NKAIN2: variants seen among roughly 807,000 people sequenced by gnomAD.
The protein encoded by NKAIN2 is sodium/potassium-transporting ATPase subunit beta-1-interacting protein 2.
In NKAIN2, 14 loss-of-function variants were observed where a neutral mutation model predicts 32.6. The observed-to-expected ratio is 0.43, with a 90% confidence interval of 0.28 to 0.67. NKAIN2 has a LOEUF of 0.67. Ranked by LOEUF, NKAIN2 falls within the 30% of genes least tolerant of loss-of-function variation. The pLI is 0.17. For synonymous variants in NKAIN2, 80 were observed against 87.2 expected (o/e 0.92, Z 0.46); for missense variants, 198 against 258.3 (o/e 0.77, Z 1.60).
intron 4 of NKAIN2, among the ~76,000 whole-genome samples, chr6:124,735,592 C>T (rs1776895415): frequency 6.6e-6 from 1 of 151,830 alleles, no homozygotes; most frequent in Non-Finnish European, 1.5e-5. Flanking sequence ...TTTGTGGGAA[C>T]TCTGAGTGGA....
intron 1 of NKAIN2, among the ~76,000 whole-genome samples, chr6:124,179,758 C>T (rs1789345040): frequency 6.6e-6 from 1 of 152,136 alleles, no homozygotes; most frequent in Admixed American, 6.5e-5. Context: ...GGTTTCTTTT[C>T]CTGTGAAGCA....
intron 1 of NKAIN2, among the ~76,000 whole-genome samples, chr6:124,230,926 G>A (rs1287074455): frequency 1.3e-5 from 2 of 152,170 alleles, no homozygotes; most frequent in Non-Finnish European, 2.9e-5. Context: ...TGAGAAGGGG[G>A]CCACTGTCCT....
chr6:124,421,119 T>C (rs764124068), intron 3 of NKAIN2, among the ~76,000 whole-genome samples: 26 of 150,806 alleles, frequency 1.7e-4, no homozygotes, highest in Non-Finnish European at 3.5e-4. Flanking sequence ...GTTGGACCCA[T>C]TGTCCTTGAA....
chr6:124,325,005 C>G (rs1797356114), intron 2 of NKAIN2, among the ~76,000 whole-genome samples: 1 of 151,948 alleles, frequency 6.6e-6, no homozygotes, highest in Non-Finnish European at 1.5e-5. Context: ...TAATTCTCTT[C>G]TTGTCTTGTA....
intron 3 of NKAIN2, among the ~76,000 whole-genome samples, chr6:124,412,502 C>T (rs1016604946): frequency 9.9e-5 from 15 of 152,104 alleles, no homozygotes; most frequent in Admixed American, 7.9e-4. Flanking sequence ...ATTGGTGAAC[C>T]GCAAATGCTG....
chr6:124,660,054 C>T (rs923244187), intron 4 of NKAIN2, among the ~76,000 whole-genome samples: 1 of 152,040 alleles, frequency 6.6e-6, no homozygotes, highest in Non-Finnish European at 1.5e-5. Flanking sequence ...CCATTTCATT[C>T]TTTAAAATCC....
chr6:124,767,505 T>C (rs1778563970), intron 4 of NKAIN2, among the ~76,000 whole-genome samples: 1 of 152,148 alleles, frequency 6.6e-6, no homozygotes, highest in Non-Finnish European at 1.5e-5. Flanking sequence ...CAAGCTTTTT[T>C]AGCTTGGCAG....
intron 4 of NKAIN2, among the ~76,000 whole-genome samples, chr6:124,774,506 G>A (rs907663069): frequency 3.3e-5 from 5 of 152,080 alleles, no homozygotes; most frequent in African/African-American, 7.2e-5. Flanking sequence ...CTACTAAGAC[G>A]TTCTGAGGGG....
intron 1 of NKAIN2, among the ~76,000 whole-genome samples, chr6:124,272,499 T>C (rs574671377): frequency 5.3e-5 from 8 of 152,292 alleles, no homozygotes; most frequent in South Asian, 2.1e-4. Context: ...AGAGAATGTA[T>C]GGAAATGCCC....
chr6:124,512,659 G>A (rs1404010487), intron 3 of NKAIN2, among the ~76,000 whole-genome samples: 3 of 152,120 alleles, frequency 2.0e-5, no homozygotes, highest in Non-Finnish European at 4.4e-5. Flanking sequence ...CAGCCTGTCT[G>A]GCCCACGGCT....
At chr6:124,534,234 TCTGC>T (rs1287135270) in intron 3 of NKAIN2, among the ~76,000 whole-genome samples, 1 of 152,134 alleles carries the variant, frequency 6.6e-6, no homozygotes, top group African/African-American at 2.4e-5. Flanking sequence ...TCAGTGAACT[TCTGC>T]CTTCCAGGCT....
At chr6:123,857,377 A>G (rs1775596427) in intron 1 of NKAIN2, among the ~76,000 whole-genome samples, 1 of 152,128 alleles carries the variant, frequency 6.6e-6, no homozygotes, top group Non-Finnish European at 1.5e-5. Flanking sequence ...ATAAGCTTGT[A>G]AAGTTGTAAT....
chr6:124,494,251 C>T (rs1483276427), intron 3 of NKAIN2, among the ~76,000 whole-genome samples: 2 of 152,064 alleles, frequency 1.3e-5, no homozygotes, highest in Non-Finnish European at 2.9e-5. Context: ...TAGTGCCTGA[C>T]ACATATCAGA....
At chr6:124,580,985 A>G (rs951905200) in intron 3 of NKAIN2, among the ~76,000 whole-genome samples, 2 of 152,238 alleles carry the variant, frequency 1.3e-5, no homozygotes, top group Non-Finnish European at 2.9e-5. Context: ...ACAAGATGAT[A>G]TAACAGTTTA....
chr6:123,984,933 G>A (rs905090965), intron 1 of NKAIN2, among the ~76,000 whole-genome samples: 1 of 152,084 alleles, frequency 6.6e-6, no homozygotes, highest in African/African-American at 2.4e-5. Flanking sequence ...CACTTCAGAT[G>A]GAAGCATACA....
At chr6:124,163,200 GAC>G (rs1306259717) in intron 1 of NKAIN2, among the ~76,000 whole-genome samples, 1 of 151,910 alleles carries the variant, frequency 6.6e-6, no homozygotes, top group African/African-American at 2.4e-5. Context: ...AGGAAAAACA[GAC>G]AGGTGATTTT....
chr6:124,412,698 A>G (rs935393657), intron 3 of NKAIN2, among the ~76,000 whole-genome samples: 6 of 152,146 alleles, frequency 3.9e-5, no homozygotes, highest in Non-Finnish European at 8.8e-5. Context: ...CTCTCTTCAA[A>G]GCTGTCAGAC....
chr6:124,163,208 AT>A (rs908197670), intron 1 of NKAIN2, among the ~76,000 whole-genome samples: 1 of 151,340 alleles, frequency 6.6e-6, no homozygotes, highest in African/African-American at 2.4e-5. Flanking sequence ...CAGACAGGTG[AT>A]TTTTTTTTCA....
At chr6:123,962,399 C>T (rs976460714) in intron 1 of NKAIN2, among the ~76,000 whole-genome samples, 2 of 152,148 alleles carry the variant, frequency 1.3e-5, no homozygotes, top group Non-Finnish European at 2.9e-5. Context: ...GATTCTATTT[C>T]CTTATCTGCT....
Sources: gnomAD v4.1 joint callset for allele counts (sites outside exome capture counted in the v4.1 genomes callset) on GRCh38, gnomAD v4.1.1 for gene constraint, MANE v1.5 for transcripts, NCBI Gene and HGNC (gene_info 2026-07-23, HGNC 2026-07-21) for gene names.